Variants in CUX2 observed in about 807,000 individuals in gnomAD.
The protein encoded by CUX2 is homeobox protein cut-like 2.
CUX2 carries 40 observed loss-of-function variants against 144.8 expected under a neutral mutation model. The observed-to-expected ratio is 0.28, with a 90% CI of 0.21 to 0.36. CUX2 has a LOEUF of 0.36. CUX2 is among the 10% of genes least tolerant of loss of function. The pLI, the probability that CUX2 is intolerant of heterozygous loss-of-function variation, is 1.00. For missense variants in CUX2, 1,615 were observed against 1,994.0 expected (o/e 0.81, Z 3.62); for synonymous variants, 827 against 875.6 (o/e 0.94, Z 0.98).
intron 1 of CUX2, among the ~76,000 whole-genome samples, chr12:111,106,836 G>A (rs746191156): frequency 3.9e-5 from 6 of 152,220 alleles, no homozygotes; most frequent in Non-Finnish European, 5.9e-5. Flanking sequence ...AAGAACAGAT[G>A]CTGTCCATTA....
At position 111,320,171 on chromosome 12, in the gene CUX2, G is replaced by C; in HGVS notation, c.2162G>C (p.Arg721Pro). The C allele has an allele frequency of 6.5e-7, 1 of 1,536,528 alleles. No individual in the cohort carries two copies. Among genetic ancestry groups the C allele is most frequent in the Non-Finnish European group, 8.7e-7 (1 of 1,145,892 alleles). The part of the protein sequence containing the change: ...LLEMEVAPRG[R>P]SVPPSPPERP... ...GAGATGGAGGTGGCGCCCAGGGGCCGCTCGGTGCCCCCCTCGCCCCCGGAG... is the reference window on the plus strand; with the variant it reads ...GAGATGGAGGTGGCGCCCAGGGGCCCCTCGGTGCCCCCCTCGCCCCCGGAG... Residue 721 changes from arginine to proline, a missense_variant, in exon 17 of 22, where the codon CGC (arginine) becomes CCC (proline). Physicochemically the swap from Arg to Pro is moderately radical, Grantham distance 103. Around this residue, in one of 12 missense-constraint regions of CUX2, gnomAD observed 390 missense variants for 387.1 expected, o/e 1.01. Coordinates refer to ENST00000261726, the MANE Select transcript of CUX2 (RefSeq NM_015267.4). The surrounding 1 kb of genome is among the most constrained non-coding windows in gnomAD (Gnocchi z 8.1).
intron 18 of CUX2, among the ~76,000 whole-genome samples, chr12:111,325,396 C>T (rs1337510379): frequency 6.6e-6 from 1 of 152,124 alleles, no homozygotes; most frequent in Non-Finnish European, 1.5e-5. Flanking sequence ...ATCTTCATGT[C>T]AGTCTCCACC....
At chr12:111,245,580 C>T (rs73414572) in intron 3 of CUX2, among the ~76,000 whole-genome samples, 3,706 of 152,082 alleles carry the variant, frequency 0.024, 169 homozygotes, top group African/African-American at 0.085. Flanking sequence ...CATGATTACA[C>T]CACTGCACCA....
At chr12:111,248,383 T>C (rs113101812) in intron 3 of CUX2, among the ~76,000 whole-genome samples, 2 of 152,178 alleles carry the variant, frequency 1.3e-5, no homozygotes, top group Admixed American at 6.5e-5. Flanking sequence ...ATGGCCTTTT[T>C]CTCCAAGCCC....
Position 111,328,885 on chromosome 12 carries a change from GTCA to G in CUX2, c.2927-5555_2927-5553del, listed in dbSNP as rs1330415555. Among the ~76,000 whole-genome samples the G allele has an allele frequency of 6.1e-3, 894 of 147,556 alleles. 13 individuals carry two copies. Among genetic ancestry groups the G allele is most frequent in the African/African-American group, 0.021 (843 of 39,584 alleles). On this transcript the variant is annotated intron_variant, in intron 18 of 21. Coordinates refer to ENST00000261726, the MANE Select transcript of CUX2 (RefSeq NM_015267.4). ...TTACAGGCATGAGCTACTGCACCCA[GTCA>G]CCTCCATTGTCTTCTTTCTGTTTTT... is the stretch of plus-strand genomic sequence containing the variant.
chr12:111,283,693 C>G (rs1885240816), intron 4 of CUX2, among the ~76,000 whole-genome samples: 6 of 152,130 alleles, frequency 3.9e-5, no homozygotes, highest in Admixed American at 3.9e-4. Context: ...ATTTCCCTTT[C>G]TCTAAGCGTG....
chr12:111,302,001 T>C (rs910148061), intron 9 of CUX2, among the ~76,000 whole-genome samples: 3 of 152,240 alleles, frequency 2.0e-5, no homozygotes, highest in East Asian at 3.8e-4. Context: ...GTTCCCTAAC[T>C]GTACAGAAAC....
intron 1 of CUX2, among the ~76,000 whole-genome samples, chr12:111,069,963 G>C (rs1487754255): frequency 3.3e-5 from 5 of 152,108 alleles, no homozygotes; most frequent in African/African-American, 1.2e-4. Context: ...CTAGAGCATG[G>C]CTTTAGACAG....
chr12:111,270,281 C>T (rs572097672), intron 4 of CUX2: 1 of 152,288 alleles, frequency 6.6e-6, no homozygotes, highest in South Asian at 2.1e-4. Context: ...CACACAAGTC[C>T]TGATTCAACA....
At chr12:111,237,529 T>A (rs1265885722) in intron 3 of CUX2, among the ~76,000 whole-genome samples, 1 of 152,214 alleles carries the variant, frequency 6.6e-6, no homozygotes, top group Non-Finnish European at 1.5e-5. Context: ...CTGTCTCTCC[T>A]GAACATAACT....
intron 6 of CUX2, among the ~76,000 whole-genome samples, chr12:111,294,600 A>AG (rs1266516933): frequency 6.9e-6 from 1 of 145,178 alleles, no homozygotes; most frequent in Non-Finnish European, 1.5e-5. Context: ...AAAAAAAAAA[A>AG]AAAGAAAGAA....
At chr12:111,291,290 T>C (rs757108651) in intron 4 of CUX2, 128 bp from the exon 5 acceptor site, 19 of 1,164,496 alleles carry the variant, frequency 1.6e-5, no homozygotes, top group Non-Finnish European at 2.3e-5. Context: ...AGAAAGTCCA[T>C]GCTACTTCCT....
At chr12:111,250,473 G>A (rs1490308745) in intron 3 of CUX2, among the ~76,000 whole-genome samples, 18 of 152,178 alleles carry the variant, frequency 1.2e-4, no homozygotes, top group African/African-American at 2.2e-4. Context: ...GCTAATTCCC[G>A]TGAAAGGTCT....
chr12:111,060,688 G>A (rs963048319), intron 1 of CUX2, among the ~76,000 whole-genome samples: 1 of 152,212 alleles, frequency 6.6e-6, no homozygotes, highest in Non-Finnish European at 1.5e-5. Context: ...TGCGGATACT[G>A]AGACGAGCAA....
chr12:111,176,898 G>A (rs991984403), intron 1 of CUX2, among the ~76,000 whole-genome samples: 7 of 152,174 alleles, frequency 4.6e-5, no homozygotes, highest in Admixed American at 4.6e-4. Context: ...GCACATGAAG[G>A]GCATTTTGGA....
intron 1 of CUX2, among the ~76,000 whole-genome samples, chr12:111,096,319 G>A (rs1036272741): frequency 2.6e-5 from 4 of 152,152 alleles, no homozygotes; most frequent in African/African-American, 4.8e-5. Context: ...TGTCTGCCCC[G>A]GGCTGTTCTA....
At chr12:111,245,562 C>A (rs1883241346) in intron 3 of CUX2, among the ~76,000 whole-genome samples, 1 of 152,036 alleles carries the variant, frequency 6.6e-6, no homozygotes, top group Admixed American at 6.6e-5. Context: ...ATCGAGGCTG[C>A]AGTGAGCCAT....
intron 1 of CUX2, among the ~76,000 whole-genome samples, chr12:111,117,214 A>G (rs1268013959): frequency 6.6e-6 from 1 of 152,190 alleles, no homozygotes; most frequent in Non-Finnish European, 1.5e-5. Context: ...TGCAGTAACA[A>G]AAGACCCCCA....
chr12:111,100,181 CTG>C (rs71881537), intron 1 of CUX2: 31,424 of 332,748 alleles, frequency 0.094, 59 homozygotes, highest in East Asian at 0.15. Context: ...GAGCCTGTGA[CTG>C]TGTGTGTGTG....
Sources: gnomAD v4.1 joint callset for allele counts (sites outside exome capture counted in the v4.1 genomes callset) on GRCh38, gnomAD v4.1.1 for gene constraint, gnomAD v4.1.1 regional missense constraint, Gnocchi (gnomAD v3.1) non-coding constraint, MANE v1.5 for transcripts, NCBI Gene and HGNC (gene_info 2026-07-23, HGNC 2026-07-21) for gene names.